GRAMD1B: variants seen among roughly 807,000 people sequenced by gnomAD.
GRAMD1B encodes protein Aster-B.
In GRAMD1B, 37 loss-of-function variants were observed where a neutral mutation model predicts 99.7. The ratio of observed to expected loss-of-function variants is 0.37; its 90% confidence interval spans 0.29 to 0.49. The LOEUF is 0.49. Ranked by LOEUF, GRAMD1B falls within the 20% of genes least tolerant of loss-of-function variation. GRAMD1B has a pLI of 0.98. For missense variants in GRAMD1B, 888 were observed against 1,009.2 expected, an observed-to-expected ratio of 0.88 and a Z score of 1.63; for synonymous variants, 427 against 387.6, an observed-to-expected ratio of 1.10 and a Z score of -1.19.
At chr11:123,457,123 A>G (rs570549232) in intron 1 of GRAMD1B, among the ~76,000 whole-genome samples, 1 of 150,166 alleles carries the variant, frequency 6.7e-6, no homozygotes, top group East Asian at 2.0e-4. Flanking sequence ...GAAAAAAAGA[A>G]AGAAAGAAAG....
intron 1 of GRAMD1B, among the ~76,000 whole-genome samples, chr11:123,406,217 C>T (rs1250931756): frequency 6.7e-6 from 1 of 150,262 alleles, no homozygotes; most frequent in Non-Finnish European, 1.5e-5. Context: ...TCCTAAAGTT[C>T]TGGGATTACA....
intron 2 of GRAMD1B, among the ~76,000 whole-genome samples, chr11:123,547,229 G>T (rs1945112168): frequency 6.6e-6 from 1 of 152,162 alleles, no homozygotes; most frequent in Non-Finnish European, 1.5e-5. Context: ...AATAGAGGGA[G>T]GACCCCAACT....
At chr11:123,578,293 C>T (rs2136241280) in intron 3 of GRAMD1B, 1 of 830,702 alleles carries the variant, frequency 1.2e-6, no homozygotes, top group East Asian at 2.7e-5. Flanking sequence ...GGGTTGGGGA[C>T]CCCTGGGAGG....
chr11:123,498,285 T>C (rs1363488309), intron 2 of GRAMD1B, among the ~76,000 whole-genome samples: 2 of 152,168 alleles, frequency 1.3e-5, no homozygotes, highest in African/African-American at 4.8e-5. Context: ...CTTTTCCCCC[T>C]GCTTTTCTCA....
intron 2 of GRAMD1B, among the ~76,000 whole-genome samples, chr11:123,533,199 G>A (rs571096102): frequency 2.0e-5 from 3 of 151,944 alleles, no homozygotes; most frequent in Admixed American, 6.6e-5. Context: ...TCAAACTCCC[G>A]AACTCAGGTG....
chr11:123,369,114 G>A (rs1946430580), intron 1 of GRAMD1B, among the ~76,000 whole-genome samples: 2 of 152,112 alleles, frequency 1.3e-5, no homozygotes, highest in South Asian at 4.2e-4. Flanking sequence ...GGGCAACAAA[G>A]TGAGACCCCA....
At chr11:123,484,234 G>A (rs977944553) in intron 2 of GRAMD1B, among the ~76,000 whole-genome samples, 4 of 152,130 alleles carry the variant, frequency 2.6e-5, no homozygotes, top group Admixed American at 2.6e-4. Context: ...ATGATTGACA[G>A]TTCCTCAACT....
chr11:123,575,213 C>T (rs1474826681), intron 2 of GRAMD1B, among the ~76,000 whole-genome samples: 2 of 152,128 alleles, frequency 1.3e-5, no homozygotes, highest in African/African-American at 2.4e-5. Context: ...TTGCTTGAAG[C>T]CAGTTAGCAG....
intron 1 of GRAMD1B, among the ~76,000 whole-genome samples, chr11:123,476,235 G>T (rs944484525): frequency 1.2e-4 from 19 of 152,104 alleles, no homozygotes; most frequent in African/African-American, 4.1e-4. Flanking sequence ...CGAGTAGCTG[G>T]GATTATAGGC....
chr11:123,485,242 T>G (rs1374031186), intron 2 of GRAMD1B, among the ~76,000 whole-genome samples: 1 of 152,242 alleles, frequency 6.6e-6, no homozygotes, highest in East Asian at 1.9e-4. Flanking sequence ...AAATTAGCAT[T>G]GATTTCTTCT....
At chr11:123,478,378 T>A (rs1951412169) in intron 1 of GRAMD1B, among the ~76,000 whole-genome samples, 1 of 152,220 alleles carries the variant, frequency 6.6e-6, no homozygotes, top group Non-Finnish European at 1.5e-5. Flanking sequence ...ATGTGAATAC[T>A]TGTTGGATGC....
chr11:123,606,535 A>G, intron 10 of GRAMD1B, 74 bp from the exon 11 acceptor site: 1 of 1,347,912 alleles, frequency 7.4e-7, no homozygotes, highest in Non-Finnish European at 1.0e-6. Context: ...CCAAGGCTGC[A>G]TCCCTAATCT....
chr11:123,609,864 C>A lies in GRAMD1B; in HGVS notation c.1727C>A (p.Thr576Asn), dbSNP rs771900117. 2.5e-6 allele frequency: 4 copies of A among 1,602,290 alleles called. No homozygotes were observed. In the South Asian group the frequency reaches 4.5e-5, roughly 18 times the overall value. Residue 576 changes from threonine to asparagine, a missense_variant, in exon 13 of 20, where the codon ACC (threonine) becomes AAC (asparagine). By Grantham distance (65) the Thr-to-Asn change is moderately conservative (BLOSUM62 0). Coordinates refer to ENST00000635736, the MANE Select transcript of GRAMD1B (RefSeq NM_001387025.1). ...NQSRVILYTI[T>N]LTNPLAPKTA... ...AGCCGAGTGATTCTTTACACCATCA[C>A]CCTTACCAACCCTCTGGCTCCCAAA... is the stretch of plus-strand genomic sequence containing the variant.
At chr11:123,401,121 A>G (rs979962672) in intron 1 of GRAMD1B, among the ~76,000 whole-genome samples, 2 of 152,196 alleles carry the variant, frequency 1.3e-5, no homozygotes, top group Non-Finnish European at 2.9e-5. Context: ...TTTCTAGATG[A>G]AGAGATGAAG....
chr11:123,617,307 C>T (rs1386092495), intron 17 of GRAMD1B, among the ~76,000 whole-genome samples: 2 of 152,010 alleles, frequency 1.3e-5, no homozygotes, highest in Non-Finnish European at 2.9e-5. Flanking sequence ...CCTCAGCTTC[C>T]CTAGTAGCTG....
chr11:123,531,533 G>A (rs957849346), intron 2 of GRAMD1B, among the ~76,000 whole-genome samples: 6 of 152,104 alleles, frequency 3.9e-5, no homozygotes, highest in African/African-American at 1.4e-4. Context: ...CTGCTGGCTC[G>A]AAGCCCTTCC....
At chr11:123,497,975 C>T (rs527804049) in intron 2 of GRAMD1B, among the ~76,000 whole-genome samples, 6 of 152,080 alleles carry the variant, frequency 3.9e-5, no homozygotes, top group Non-Finnish European at 8.8e-5. Context: ...CCACTCTTCC[C>T]TCCCCCTTCC....
intron 2 of GRAMD1B, among the ~76,000 whole-genome samples, chr11:123,486,563 A>G (rs533788531): frequency 9.6e-5 from 14 of 145,560 alleles, no homozygotes; most frequent in South Asian, 8.6e-4. Flanking sequence ...AGAAAAAAAA[A>G]AAAAAACAAA....
intron 1 of GRAMD1B, among the ~76,000 whole-genome samples, chr11:123,432,298 T>C (rs1948932095): frequency 6.6e-6 from 1 of 152,140 alleles, no homozygotes; most frequent in Non-Finnish European, 1.5e-5. Flanking sequence ...GGCTCACACC[T>C]GTAATCCCAG....
Sources: allele counts gnomAD v4.1 joint callset (sites outside exome capture counted in the v4.1 genomes callset), GRCh38; gene constraint gnomAD v4.1.1; transcripts MANE v1.5; gene names NCBI Gene and HGNC (gene_info 2026-07-23, HGNC 2026-07-21).